Variants in WWC2 observed in about 807,000 individuals in gnomAD.
WWC2 encodes the protein WW and C2 domain containing 2, also known as protein WWC2.
A neutral mutation model predicts 138.5 loss-of-function variants in WWC2; 101 were observed. The observed-to-expected ratio is 0.73, with a 90% confidence interval of 0.62 to 0.86. WWC2 has a LOEUF of 0.86. WWC2 is among the 40% of genes least tolerant of loss of function. The probability of loss-of-function intolerance (pLI) is 0.00; values close to 1 mark genes in which losing one functional copy is unlikely to be tolerated. For synonymous variants in WWC2, 558 were observed against 538.4 expected (o/e 1.04, Z -0.50); for missense variants, 1,420 against 1,419.4 (o/e 1.00, Z -0.01).
chr4:183,164,036 A>C (rs952369757), intron 1 of WWC2, among the ~76,000 whole-genome samples: 1 of 151,818 alleles, frequency 6.6e-6, no homozygotes, highest in African/African-American at 2.4e-5. Context: ...GTACTATTAG[A>C]GTTTTTGAGG....
At chr4:183,201,910 G>A (rs1174218514) in intron 2 of WWC2, among the ~76,000 whole-genome samples, 1 of 152,132 alleles carries the variant, frequency 6.6e-6, no homozygotes, top group African/African-American at 2.4e-5. Flanking sequence ...GAGTGATGAT[G>A]GGAAGAGGTC....
intron 1 of WWC2, among the ~76,000 whole-genome samples, chr4:183,111,338 G>A (rs1231283438): frequency 1.3e-5 from 2 of 152,228 alleles, no homozygotes; most frequent in Non-Finnish European, 2.9e-5. Flanking sequence ...TTGGTATGAA[G>A]TGGCAGTGAT....
intron 1 of WWC2, among the ~76,000 whole-genome samples, chr4:183,142,949 T>C (rs934928136): frequency 2.0e-5 from 3 of 152,140 alleles, no homozygotes; most frequent in Admixed American, 1.3e-4. Flanking sequence ...CAATATGAAG[T>C]GAAGCATGAG....
chr4:183,101,508 A>G (rs192963376), intron 1 of WWC2, among the ~76,000 whole-genome samples: 14 of 152,324 alleles, frequency 9.2e-5, no homozygotes, highest in Admixed American at 2.6e-4. Flanking sequence ...ATATTCAGAG[A>G]CATAAATTTG....
At chr4:183,250,179 C>G (rs1736934821) in intron 8 of WWC2, among the ~76,000 whole-genome samples, 186 bp downstream of exon 8, 1 of 151,040 alleles carries the variant, frequency 6.6e-6, no homozygotes, top group Non-Finnish European at 1.5e-5. Flanking sequence ...CTCCACCCCC[C>G]AACCACCAAA....
In WWC2 at chr4:183,315,754, T is replaced by C; in HGVS notation, c.*25T>C. The C allele has an allele frequency of 1.3e-6, 2 of 1,585,754 alleles. No individual in the cohort carries two copies. Among genetic ancestry groups the C allele is most frequent in the South Asian group, 1.1e-5 (1 of 88,076 alleles). ...ATTACATGACTTAAGAAATTATTTT[T>C]TCATCTGTTCACTTTCTTAGGGAGG... On this transcript the variant is annotated 3_prime_UTR_variant, in exon 23 of 23. Coordinates refer to ENST00000403733, the MANE Select transcript of WWC2 (RefSeq NM_024949.6).
intron 1 of WWC2, among the ~76,000 whole-genome samples, chr4:183,165,709 C>A (rs1734112337): frequency 6.6e-6 from 1 of 152,100 alleles, no homozygotes; most frequent in South Asian, 2.1e-4. Flanking sequence ...AATGTAGAAA[C>A]TATATAGGTA....
intron 2 of WWC2, among the ~76,000 whole-genome samples, chr4:183,194,264 C>G (rs1329751896): frequency 6.6e-6 from 1 of 152,200 alleles, no homozygotes; most frequent in African/African-American, 2.4e-5. Flanking sequence ...TGTCATATCT[C>G]TGACATGGTC....
rs138682197 is a variant in WWC2, at chr4:183,245,565, G to A, written c.732+20G>A. 1.2e-4 allele frequency: 190 copies of A among 1,558,800 alleles called. No homozygotes were observed. In the East Asian group the frequency reaches 4.4e-3, roughly 36 times the overall value. ...ATGCAGGTACATTATAAAACATTTT[G>A]TTAAGCCAAACTTCTACCTTCTGAG... On this transcript the variant is annotated intron_variant, in intron 6 of 22. Coordinates refer to ENST00000403733, the MANE Select transcript of WWC2 (RefSeq NM_024949.6).
intron 4 of WWC2, among the ~76,000 whole-genome samples, chr4:183,220,952 A>G (rs1435045297): frequency 2.6e-5 from 4 of 152,186 alleles, no homozygotes; most frequent in Non-Finnish European, 5.9e-5. Context: ...AAATATGACA[A>G]TAAGAAAGCT....
chr4:183,192,080 A>G (rs1427887997), intron 1 of WWC2, among the ~76,000 whole-genome samples: 25 of 152,182 alleles, frequency 1.6e-4, no homozygotes, highest in South Asian at 2.1e-4. Context: ...TCTGGGAACT[A>G]TATTCTAAGA....
chr4:183,158,400 G>T (rs1381906301), intron 1 of WWC2, among the ~76,000 whole-genome samples: 2 of 151,670 alleles, frequency 1.3e-5, no homozygotes, highest in Non-Finnish European at 2.9e-5. Flanking sequence ...TGTAGGCAGG[G>T]TTGGTTTCTT....
intron 21 of WWC2, among the ~76,000 whole-genome samples, chr4:183,296,849 G>T (rs1278562135): frequency 7.0e-6 from 1 of 143,700 alleles, no homozygotes; most frequent in East Asian, 2.1e-4. Context: ...CAGGAGAATG[G>T]CGTGAACCCC....
At chr4:183,258,475 A>G (rs750260859) in intron 9 of WWC2, among the ~76,000 whole-genome samples, 1 of 152,232 alleles carries the variant, frequency 6.6e-6, no homozygotes, top group Non-Finnish European at 1.5e-5. Context: ...CTTACTGCCA[A>G]AAACATATAT....
At chr4:183,155,221 A>AGAGAGAGAGAGAGAGAGAGAGAGAGAGT (rs61543148) in intron 1 of WWC2, among the ~76,000 whole-genome samples, 1 of 135,184 alleles carries the variant, frequency 7.4e-6, no homozygotes, top group African/African-American at 2.8e-5. Context: ...AGAGAGAGAG[A>AGAGAGAGAGAGAGAGAGAGAGAGAGAGT]GAGTTAGTTG....
At position 183,137,296 on chromosome 4, in the gene WWC2, AAC is replaced by A. The variant is rs144168061; in HGVS notation, c.131+37684_131+37685del. On this transcript the variant is annotated intron_variant, in intron 1 of 22. Coordinates refer to ENST00000403733, the MANE Select transcript of WWC2 (RefSeq NM_024949.6). Reference sequence around the variant, plus strand: ...TGACTTTTTTTAAATAACAGCCTAAAACACACACACATTGTACACCTGTTCAA... The same window carrying A: ...TGACTTTTTTTAAATAACAGCCTAAAACACACACATTGTACACCTGTTCAA... 3.9e-5 allele frequency among the ~76,000 whole-genome samples: 6 copies of A among 152,196 alleles called. No individual in the cohort carries two copies. The South Asian group carries it at 6.2e-4, about 16-fold the overall frequency.
intron 1 of WWC2, among the ~76,000 whole-genome samples, chr4:183,145,173 A>G (rs183204524): frequency 1.6e-4 from 24 of 152,342 alleles, no homozygotes; most frequent in Non-Finnish European, 3.1e-4. Context: ...CCCTGTGGCA[A>G]GTTTCTTTGC....
At chr4:183,306,288 T>G (rs1022887093) in intron 21 of WWC2, among the ~76,000 whole-genome samples, 1 of 152,226 alleles carries the variant, frequency 6.6e-6, no homozygotes, top group African/African-American at 2.4e-5. Context: ...GCTGTTTCAT[T>G]AATCACTGTA....
chr4:183,142,528 T>C (rs561388589), intron 1 of WWC2, among the ~76,000 whole-genome samples: 1 of 152,372 alleles, frequency 6.6e-6, no homozygotes, highest in East Asian at 1.9e-4. Context: ...AGAGTGTGTA[T>C]AGGTCCTTCC....
Sources: allele counts gnomAD v4.1 joint callset (sites outside exome capture counted in the v4.1 genomes callset), GRCh38; gene constraint gnomAD v4.1.1; transcripts MANE v1.5; gene names NCBI Gene and HGNC (gene_info 2026-07-23, HGNC 2026-07-21).